PTK7: variants seen among roughly 807,000 people sequenced by gnomAD.
PTK7 encodes the protein inactive tyrosine-protein kinase 7.
In PTK7, 39 loss-of-function variants were observed where a neutral mutation model predicts 116.6. The observed-to-expected ratio is 0.33, with a 90% confidence interval of 0.26 to 0.44. The LOEUF (loss-of-function observed/expected upper bound fraction) is 0.44. Among genes scored for constraint, PTK7 ranks in the 20% least tolerant of loss-of-function variants. PTK7 has a pLI of 1.00. For synonymous variants in PTK7, 546 were observed against 563.6 expected (o/e 0.97, Z 0.44); for missense variants, 1,169 against 1,425.6 (o/e 0.82, Z 2.90).
chr6:43,100,359 G>A (rs1159371162), intron 1 of PTK7, among the ~76,000 whole-genome samples: 2 of 150,790 alleles, frequency 1.3e-5, no homozygotes, highest in Non-Finnish European at 3.0e-5. Context: ...CTCCAGCCTG[G>A]GTGACAGAGC....
intron 1 of PTK7, among the ~76,000 whole-genome samples, chr6:43,088,345 C>T (rs1766767534): frequency 6.6e-6 from 1 of 151,910 alleles, no homozygotes; most frequent in African/African-American, 2.4e-5. Flanking sequence ...AGTGCCAGTC[C>T]CTCCTGTGCC....
chr6:43,127,200 A>T (rs1769343049), intron 1 of PTK7, among the ~76,000 whole-genome samples: 1 of 152,204 alleles, frequency 6.6e-6, no homozygotes, highest in Non-Finnish European at 1.5e-5. Flanking sequence ...TTGCCCAGCC[A>T]GTTTGGCTCA....
chr6:43,160,743 A>T lies in PTK7; in HGVS notation c.3075A>T (p.Arg1025Ser), dbSNP rs1300835675. 2.5e-6 allele frequency: 4 copies of T among 1,614,174 alleles called. No individual in the cohort carries two copies. The Admixed American group carries it at 6.7e-5, about 27-fold the overall frequency. Residue 1025 changes from arginine to serine, a missense_variant, in exon 20 of 20, where the codon AGA (arginine) becomes AGT (serine). By Grantham distance (110) the Arg-to-Ser change is moderately radical. Transcript: ENST00000230419. ...VLADLQAGKARLPQPEGCPSK... is the reference protein window; with the variant it reads ...VLADLQAGKASLPQPEGCPSK... ...CAGATTTGCAGGCTGGGAAGGCTAG[A>T]CTTCCTCAGCCCGAGGGCTGCCCTT...
intron 1 of PTK7, among the ~76,000 whole-genome samples, chr6:43,080,148 C>T (rs544736588): frequency 2.0e-5 from 3 of 150,736 alleles, no homozygotes; most frequent in Admixed American, 1.3e-4. Context: ...GTTAGGAGAG[C>T]GAGACCATCC....
intron 17 of PTK7, among the ~76,000 whole-genome samples, chr6:43,151,080 C>T (rs1233138582): frequency 2.6e-5 from 4 of 152,058 alleles, no homozygotes. Context: ...CTTGGTCTCC[C>T]AGAGTGCTGG....
chr6:43,117,179 C>G (rs1010034273), intron 1 of PTK7, among the ~76,000 whole-genome samples: 3 of 152,084 alleles, frequency 2.0e-5, no homozygotes, highest in African/African-American at 7.2e-5. Context: ...AAAGAGCATT[C>G]ATTTGCTTCT....
At chr6:43,098,820 A>G (rs963872813) in intron 1 of PTK7, among the ~76,000 whole-genome samples, 1 of 152,246 alleles carries the variant, frequency 6.6e-6, no homozygotes, top group African/African-American at 2.4e-5. Context: ...AAAGACAGAT[A>G]TATCAGTCAT....
intron 1 of PTK7, among the ~76,000 whole-genome samples, chr6:43,086,506 G>T (rs1050166816): frequency 6.6e-6 from 1 of 151,900 alleles, no homozygotes; most frequent in African/African-American, 2.4e-5. Context: ...TGTCCCAGCA[G>T]CTAGCTCGTA....
At chr6:43,099,402 A>T (rs1451978454) in intron 1 of PTK7, among the ~76,000 whole-genome samples, 1 of 151,904 alleles carries the variant, frequency 6.6e-6, no homozygotes, top group Non-Finnish European at 1.5e-5. Flanking sequence ...CTGGCTAATT[A>T]AAAAAATTTT....
rs372574848 is a variant in PTK7, at chr6:43,087,858, T to C, written c.79+11291T>C. Among the ~76,000 whole-genome samples, 74 of 152,316 alleles carry C rather than the reference T, an allele frequency of 4.9e-4. 3 individuals carry two copies. The South Asian group carries it at 0.015, about 31-fold the overall frequency. ...TCTAGTGCGTGGGCACAGATGTGTT[T>C]AGACTTGACCAACTGGTGATGTGGG... On this transcript the variant is annotated intron_variant, in intron 1 of 19. Coordinates refer to ENST00000230419, the MANE Select transcript of PTK7 (RefSeq NM_002821.5).
At chr6:43,152,666 C>G (rs1233888679) in intron 17 of PTK7, among the ~76,000 whole-genome samples, 1 of 152,154 alleles carries the variant, frequency 6.6e-6, no homozygotes, top group Admixed American at 6.5e-5. Flanking sequence ...ATAGTTGTCA[C>G]TAGCTTCATA....
intron 1 of PTK7, among the ~76,000 whole-genome samples, chr6:43,127,797 C>T (rs1179043219): frequency 4.6e-5 from 7 of 152,068 alleles, no homozygotes; most frequent in Non-Finnish European, 8.8e-5. Flanking sequence ...GGCGTGGTGG[C>T]GGGCACCTGT....
In PTK7 at chr6:43,076,918, C is replaced by G; in HGVS notation, c.79+351C>G. 2 of 1,514,936 alleles carry G rather than the reference C, an allele frequency of 1.3e-6. No individual in the cohort carries two copies. The highest frequency in any genetic ancestry group is 1.8e-6 in the Non-Finnish European group (2 of 1,131,872). 93.8% of individuals were successfully genotyped at this position (1,514,936 alleles called of 1,614,324 possible). On this transcript the variant is annotated intron_variant, in intron 1 of 19. Coordinates refer to ENST00000230419, the MANE Select transcript of PTK7 (RefSeq NM_002821.5). This position sits in a 1 kb window ranked among gnomAD's most constrained non-coding sequence, Gnocchi z 5.7. ...TTCTTGTCGGGGGAGAAAAGACCAT[C>G]CGCACCCACCGTGGGGAGCGCGATG...
chr6:43,100,308 AG>A (rs1180781341), intron 1 of PTK7, among the ~76,000 whole-genome samples: 3 of 151,796 alleles, frequency 2.0e-5, no homozygotes, highest in Non-Finnish European at 4.4e-5. Context: ...GTGTGAACCC[AG>A]GAGGCGGAGC....
Position 43,143,658 on chromosome 6 carries a change from G to C in PTK7, c.2251+38G>C. ...GGACGGGGAGGTGGTGCCCGTGTGC[G>C]GGAGCTGAGCGCCCTCCCGCGGCCA... On this transcript the variant is annotated intron_variant, in intron 14 of 19. Transcript: ENST00000230419. This position sits in a 1 kb window ranked among gnomAD's most constrained non-coding sequence, Gnocchi z 4.2. 1 of 1,588,948 alleles carries C rather than the reference G, an allele frequency of 6.3e-7. No homozygotes were observed. Among genetic ancestry groups the C allele is most frequent in the Non-Finnish European group, 8.6e-7 (1 of 1,169,498 alleles).
chr6:43,143,371 C>A lies in PTK7; in HGVS notation c.2048-46C>A. The A allele has an allele frequency of 6.3e-7, 1 of 1,581,020 alleles. No individual in the cohort carries two copies. The highest frequency in any genetic ancestry group is 1.1e-5 in the South Asian group (1 of 90,046). On this transcript the variant is annotated intron_variant, in intron 13 of 19. Transcript: ENST00000230419. This position sits in a 1 kb window ranked among gnomAD's most constrained non-coding sequence, Gnocchi z 4.2. The stretch of plus-strand genomic sequence containing the variant: ...AGGAGTTAGTAGAGAAGCAGGGCTT[C>A]TTTTGCTTAGCAGCCCCTGCCCAGA...
chr6:43,160,040 T>C, intron 19 of PTK7, 74 bp downstream of exon 19: 2 of 1,485,394 alleles, frequency 1.3e-6, no homozygotes, highest in Non-Finnish European at 1.8e-6. Flanking sequence ...CCAGGGCTGG[T>C]TCAGCCTACC....
In PTK7 at chr6:43,132,020, C is replaced by A; in HGVS notation, c.817C>A (p.Pro273Thr). Residue 273 changes from proline to threonine, a missense_variant, in exon 6 of 20, where the codon CCA (proline) becomes ACA (threonine). Physicochemically the swap from Pro to Thr is conservative, Grantham distance 38. Around this residue, in one of 3 missense-constraint regions of PTK7, gnomAD observed 487 missense variants for 549.8 expected, o/e 0.89. Coordinates refer to ENST00000230419, the MANE Select transcript of PTK7 (RefSeq NM_002821.5). ...ATTGCACTCTCCCCTCTGCAGCCCCCCACACCTCCGCAGAGCCACAGTGTT... is the reference window on the plus strand; with the variant it reads ...ATTGCACTCTCCCCTCTGCAGCCCCACACACCTCCGCAGAGCCACAGTGTT... The part of the protein sequence containing the change: ...ETPITNRSRP[P>T]HLRRATVFAN... 6.2e-7 allele frequency: 1 copy of A among 1,614,044 alleles called. No homozygotes were observed. The highest frequency in any genetic ancestry group is 8.5e-7 in the Non-Finnish European group (1 of 1,180,022).
At chr6:43,080,038 G>C (rs1396879794) in intron 1 of PTK7, among the ~76,000 whole-genome samples, 2 of 146,050 alleles carry the variant, frequency 1.4e-5, no homozygotes, top group Admixed American at 6.9e-5. Flanking sequence ...TTCGGTCTGG[G>C]TGACAGAGTT....
Sources: allele counts gnomAD v4.1 joint callset (sites outside exome capture counted in the v4.1 genomes callset), GRCh38; gene constraint gnomAD v4.1.1; regional missense constraint gnomAD v4.1.1; non-coding constraint Gnocchi (gnomAD v3.1); transcripts MANE v1.5; gene names NCBI Gene and HGNC (gene_info 2026-07-23, HGNC 2026-07-21).